The following ADCYAP1 variants were observed in gnomAD, a reference collection of about 807,000 sequenced individuals.
The protein encoded by ADCYAP1 is adenylate cyclase activating polypeptide 1, also known as pituitary adenylate cyclase-activating polypeptide.
ADCYAP1 carries 6 observed loss-of-function variants against 18.5 expected under a neutral mutation model. That is an observed-to-expected ratio of 0.32 (90% CI 0.18 to 0.64). The LOEUF is 0.64. Among genes scored for constraint, ADCYAP1 ranks in the 30% least tolerant of loss-of-function variants. The pLI is 0.77. For synonymous variants in ADCYAP1, 136 were observed against 113.9 expected (o/e 1.19, Z -1.24); for missense variants, 314 against 253.6 (o/e 1.24, Z -1.62).
At position 910,081 on chromosome 18, in the gene ADCYAP1, T is replaced by C. The variant is rs1909334895; in HGVS notation, c.*446T>C. The C allele has an allele frequency of 6.6e-6, 1 of 152,542 alleles. No individual in the cohort carries two copies. Among genetic ancestry groups the C allele is most frequent in the Non-Finnish European group, 1.5e-5 (1 of 68,026 alleles). 9.4% of individuals were successfully genotyped at this position (152,542 alleles called of 1,614,324 possible). A position where few individuals can be genotyped will look rare whatever the true frequency, so the allele number is the denominator to read the frequency against. On this transcript the variant is annotated 3_prime_UTR_variant, in exon 5 of 5. Transcript: ENST00000450565. Reference sequence around the variant, plus strand: ...TTTTTATCCATGACAGGCCTGAAGATATTACTACTTACCATTTGCTACTGT... The same window carrying C: ...TTTTTATCCATGACAGGCCTGAAGACATTACTACTTACCATTTGCTACTGT...
chr18:904,770 A>C, upstream of ADCYAP1: 3 of 1,271,312 alleles, frequency 2.4e-6, no homozygotes, highest in African/African-American at 1.5e-5. Context: ...TCCGCGCTTC[A>C]CCTCATCGCC....
chr18:908,178 G>T (rs1337249473), intron 3 of ADCYAP1, 87 bp from the exon 4 acceptor site: 1 of 1,230,538 alleles, frequency 8.1e-7, no homozygotes, highest in Non-Finnish European at 1.1e-6. Flanking sequence ...CGGCCGCCGA[G>T]GGGGCGCGCG....
chr18:905,218 C>CA, intron 1 of ADCYAP1, 158 bp downstream of exon 1: 1 of 1,446,200 alleles, frequency 6.9e-7, no homozygotes, highest in Non-Finnish European at 9.0e-7. Context: ...CTAACTATAG[C>CA]AAGCAAGAAG....
chr18:911,588 A>C lies in ADCYAP1; in HGVS notation c.*1953A>C, dbSNP rs927293510. On this transcript the variant is annotated 3_prime_UTR_variant, in exon 5 of 5. Coordinates refer to ENST00000450565, the MANE Select transcript of ADCYAP1 (RefSeq NM_001099733.2). ...CAGGAGATCACATTGCAAATAGTGA[A>C]AACAGAGGCATTCGGTCTATGCCTG... 1 of 152,186 alleles carries C rather than the reference A, an allele frequency of 6.6e-6. No individual in the cohort carries two copies. Among genetic ancestry groups the C allele is most frequent in the Non-Finnish European group, 1.5e-5 (1 of 68,044 alleles). The allele number at this position is 152,186 out of a possible 1,614,324, so 9.4% of individuals were successfully genotyped here.
At chr18:907,043 A>G (rs1909193688) in intron 2 of ADCYAP1, among the ~76,000 whole-genome samples, 1 of 152,226 alleles carries the variant, frequency 6.6e-6, no homozygotes, top group African/African-American at 2.4e-5. Context: ...CCGCCGCCGA[A>G]CTGGCTAAGT....
intron 1 of ADCYAP1, 63 bp from the exon 2 acceptor site, chr18:905,323 G>GT (rs1388566855): frequency 3.2e-6 from 5 of 1,582,320 alleles, no homozygotes; most frequent in Non-Finnish European, 4.3e-6. Flanking sequence ...GCTTTTTGGG[G>GT]TTGGAGGGTG....
At chr18:907,824 C>A in intron 3 of ADCYAP1, 34 bp downstream of exon 3, 2 of 1,418,180 alleles carry the variant, frequency 1.4e-6, no homozygotes, top group Non-Finnish European at 1.8e-6. Context: ...ACACCCGCGG[C>A]TGGGAGCTCG....
rs1401711690 is a variant in ADCYAP1, at chr18:911,418, A to G, written c.*1783A>G. ...TTGAAAAAAGAAGATGAAGAAGAAG[A>G]AAAAAAAAAGAACAAGGAAAGATTA... On this transcript the variant is annotated 3_prime_UTR_variant, in exon 5 of 5. Coordinates refer to ENST00000450565, the MANE Select transcript of ADCYAP1 (RefSeq NM_001099733.2). The G allele has an allele frequency of 1.4e-5, 2 of 139,238 alleles. No individual in the cohort carries two copies. The highest frequency in any genetic ancestry group is 3.2e-5 in the Non-Finnish European group (2 of 62,166). 8.6% of individuals were successfully genotyped at this position (139,238 alleles called of 1,614,324 possible). A position where few individuals can be genotyped will look rare whatever the true frequency, so the allele number is the denominator to read the frequency against.
At chr18:905,574 A>T in intron 2 of ADCYAP1, 78 bp downstream of exon 2, 1 of 1,531,876 alleles carries the variant, frequency 6.5e-7, no homozygotes, top group Non-Finnish European at 8.9e-7. Context: ...TCCTTCCTGC[A>T]GTCCTTTGGG....
chr18:908,971 G>A (rs181279916), intron 4 of ADCYAP1, among the ~76,000 whole-genome samples: 1 of 152,176 alleles, frequency 6.6e-6, no homozygotes, highest in Non-Finnish European at 1.5e-5. Context: ...TCAACTCGGC[G>A]TGAGGAGGGA....
Position 908,209 on chromosome 18 carries a change from C to A in ADCYAP1, c.243-56C>A, listed in dbSNP as rs991161788. 2.1e-5 allele frequency: 32 copies of A among 1,499,068 alleles called. 1 individual carries two copies. Among genetic ancestry groups the A allele is most frequent in the South Asian group, 8.4e-5 (7 of 83,654 alleles). The allele number at this position is 1,499,068 out of a possible 1,614,324, so 92.9% of individuals were successfully genotyped here. ...GCGCGCCCAACAAGGGGGTCTCTAG[C>A]GGCCACCTGGGGACAGAAACAGTGA... On this transcript the variant is annotated intron_variant, in intron 3 of 4. Transcript: ENST00000450565.
intron 2 of ADCYAP1, 109 bp downstream of exon 2, chr18:905,605 C>G: frequency 7.8e-7 from 1 of 1,280,458 alleles, no homozygotes; most frequent in Non-Finnish European, 1.1e-6. Flanking sequence ...TAGCATCGCC[C>G]TCTGCGCCCC....
At position 909,762 on chromosome 18, in the gene ADCYAP1, T is replaced by G. The variant is rs1909317671; in HGVS notation, c.*127T>G. On this transcript the variant is annotated 3_prime_UTR_variant, in exon 5 of 5. Transcript: ENST00000450565. ...GTATTTATGTAATGAAGTAAAGCCA[T>G]TAAATGAATATTTTGATAATAATAT... The G allele has an allele frequency of 1.3e-6, 1 of 750,860 alleles. No homozygotes were observed. Among genetic ancestry groups the G allele is most frequent in the Non-Finnish European group, 2.0e-6 (1 of 495,884 alleles). 46.5% of individuals were successfully genotyped at this position (750,860 alleles called of 1,614,324 possible).
intron 2 of ADCYAP1, 157 bp downstream of exon 2, chr18:905,653 C>T (rs186030171): frequency 1.1e-6 from 1 of 882,158 alleles, no homozygotes; most frequent in Non-Finnish European, 1.7e-6. Context: ...ACAGCGGGTC[C>T]CCATTCTAGC....
At chr18:907,609 T>C in intron 2 of ADCYAP1, 50 bp from the exon 3 acceptor site, 1 of 1,543,910 alleles carries the variant, frequency 6.5e-7, no homozygotes, top group South Asian at 1.2e-5. Flanking sequence ...CTCGCCGAGC[T>C]GGGGAGGAAC....
upstream of ADCYAP1, chr18:904,751 C>T (rs1202610371): frequency 3.2e-6 from 4 of 1,258,574 alleles, no homozygotes; most frequent in Non-Finnish European, 2.1e-6. Flanking sequence ...CTTACGGCCA[C>T]CTTGCTCCTC....
intron 2 of ADCYAP1, 68 bp from the exon 3 acceptor site, chr18:907,590 CT>C: frequency 6.7e-7 from 1 of 1,500,016 alleles, no homozygotes; most frequent in Non-Finnish European, 8.9e-7. Flanking sequence ...GAGCCCCTTA[CT>C]TTGGATCCTC....
Position 905,444 on chromosome 18 carries a change from A to G in ADCYAP1, c.58A>G (p.Ser20Gly). Residue 20 changes from serine (S) to glycine (G), a missense_variant, in exon 2 of 5, where the codon AGC becomes GGC. Transcript: ENST00000450565. ...ALLVYGIIMH[S>G]SVYSSPAAAG... is the part of the protein sequence containing the mutation. The stretch of plus-strand genomic sequence containing the variant: ...GCTGGTCTATGGGATAATCATGCAC[A>G]GCAGCGTCTACAGCTCACCTGCCGC... 2 of 1,612,122 alleles carry G rather than the reference A, an allele frequency of 1.2e-6. No individual in the cohort carries two copies. Among genetic ancestry groups the G allele is most frequent in the African/African-American group, 1.3e-5 (1 of 75,052 alleles).
At chr18:907,854 G>C (rs1432526550) in intron 3 of ADCYAP1, 64 bp downstream of exon 3, 1 of 1,408,100 alleles carries the variant, frequency 7.1e-7, no homozygotes, top group Non-Finnish European at 9.1e-7. Flanking sequence ...TGACGGGAGG[G>C]GCAGTGTGGT....
Sources: gnomAD v4.1 joint callset for allele counts (sites outside exome capture counted in the v4.1 genomes callset) on GRCh38, gnomAD v4.1.1 for gene constraint, MANE v1.5 for transcripts, NCBI Gene and HGNC (gene_info 2026-07-23, HGNC 2026-07-21) for gene names.